The following COL23A1 variants were observed in gnomAD, a reference collection of about 807,000 sequenced individuals.
COL23A1 encodes collagen type XXIII alpha 1 chain, also known as collagen alpha-1(XXIII) chain.
A neutral mutation model predicts 99.3 loss-of-function variants in COL23A1; 97 were observed. That is an observed-to-expected ratio of 0.98 (90% confidence interval 0.83 to 1.16). COL23A1 has a LOEUF of 1.16. Among genes scored for constraint, COL23A1 ranks in the 50% most tolerant of loss-of-function variants. The probability of loss-of-function intolerance (pLI) is 0.00; values close to 1 mark genes in which losing one functional copy is unlikely to be tolerated. For missense variants in COL23A1, 762 were observed against 757.4 expected (o/e 1.01, Z -0.07); for synonymous variants, 320 against 308.2 (o/e 1.04, Z -0.40).
chr5:178,339,679 G>A (rs184211383), intron 2 of COL23A1, among the ~76,000 whole-genome samples: 3 of 152,350 alleles, frequency 2.0e-5, no homozygotes, highest in Non-Finnish European at 4.4e-5. Context: ...GTGGGGGGAC[G>A]TGAATCTGCC....
intron 2 of COL23A1, among the ~76,000 whole-genome samples, chr5:178,454,269 T>G (rs1022837940): frequency 6.7e-6 from 1 of 148,384 alleles, no homozygotes; most frequent in African/African-American, 2.5e-5. Flanking sequence ...AAAAAGCTCA[T>G]AGAGTACTTC....
At chr5:178,480,030 G>A (rs1310593813) in intron 2 of COL23A1, among the ~76,000 whole-genome samples, 2 of 151,304 alleles carry the variant, frequency 1.3e-5, no homozygotes, top group South Asian at 2.1e-4. Flanking sequence ...TGTGTGTATC[G>A]AAACACAGAA....
At chr5:178,253,376 C>G (rs1765134861) in intron 16 of COL23A1, among the ~76,000 whole-genome samples, 1 of 152,072 alleles carries the variant, frequency 6.6e-6, no homozygotes, top group Non-Finnish European at 1.5e-5. Context: ...GGCCCAGGCC[C>G]AGGACCTCCC....
intron 2 of COL23A1, among the ~76,000 whole-genome samples, chr5:178,523,195 TATATATAGAGAG>T (rs1318189455): frequency 0.031 from 2,432 of 78,802 alleles, 86 homozygotes; most frequent in African/African-American, 0.086. Flanking sequence ...TATATATATA[TATATATAGAGAG>T]AGAGAGAGAG....
chr5:178,541,649 CA>C (rs1761295318), intron 2 of COL23A1, among the ~76,000 whole-genome samples: 1 of 152,158 alleles, frequency 6.6e-6, no homozygotes, highest in Non-Finnish European at 1.5e-5. Context: ...AAGGTTTGTA[CA>C]CAACAGAAAT....
intron 2 of COL23A1, among the ~76,000 whole-genome samples, chr5:178,548,945 A>G (rs1761860833): frequency 6.6e-6 from 1 of 152,210 alleles, no homozygotes; most frequent in South Asian, 2.1e-4. Flanking sequence ...GCAGTGCTCC[A>G]TTGTAGAAAC....
chr5:178,539,302 T>A (rs1761150306), intron 2 of COL23A1, among the ~76,000 whole-genome samples: 1 of 151,918 alleles, frequency 6.6e-6, no homozygotes, highest in South Asian at 2.1e-4. Context: ...ATCCCAGCAA[T>A]TTGGGAAGCC....
At chr5:178,344,077 A>G (rs1334745992) in intron 2 of COL23A1, among the ~76,000 whole-genome samples, 2 of 152,224 alleles carry the variant, frequency 1.3e-5, no homozygotes, top group Non-Finnish European at 2.9e-5. Context: ...TTTAGAAAAG[A>G]AATGAACGTG....
chr5:178,401,210 T>C (rs1362807500), intron 2 of COL23A1, among the ~76,000 whole-genome samples: 2 of 152,336 alleles, frequency 1.3e-5, no homozygotes, highest in African/African-American at 2.4e-5. Context: ...GAGCAAATAC[T>C]CCATCGTATG....
At chr5:178,331,552 CGCGGCCCTCG>C (rs1760019827) in intron 2 of COL23A1, among the ~76,000 whole-genome samples, 1 of 152,208 alleles carries the variant, frequency 6.6e-6, no homozygotes. Flanking sequence ...CCAAGGAATC[CGCGGCCCTCG>C]GGGCAGGGTG....
At position 178,260,098 on chromosome 5, in the gene COL23A1, G is replaced by A. The variant is rs149012781; in HGVS notation, c.703-351C>T. Reference sequence around the variant, plus strand: ...TCTCCGTCAGCGAGGACCAGAGCCCGCCTCCCCACCCACACCCTCCCCAAA... The same window carrying A: ...TCTCCGTCAGCGAGGACCAGAGCCCACCTCCCCACCCACACCCTCCCCAAA... On this transcript the variant is annotated intron_variant, in intron 11 of 28. Coordinates refer to ENST00000390654, the MANE Select transcript of COL23A1 (RefSeq NM_173465.4). Among the ~76,000 whole-genome samples, 6 of 152,284 alleles carry A rather than the reference G, an allele frequency of 3.9e-5. No individual in the cohort carries two copies. In the East Asian group the frequency reaches 1.2e-3, roughly 29 times the overall value.
chr5:178,573,881 CAG>C (rs1219895198), intron 1 of COL23A1, among the ~76,000 whole-genome samples: 1 of 151,272 alleles, frequency 6.6e-6, no homozygotes, highest in East Asian at 1.9e-4. Flanking sequence ...TTTGTTGAGA[CAG>C]AGTCTCGCTC....
At chr5:178,250,147 C>A in intron 17 of COL23A1, 42 bp from the exon 18 acceptor site, 1 of 1,612,538 alleles carries the variant, frequency 6.2e-7, no homozygotes, top group Non-Finnish European at 8.5e-7. Context: ...GCCTTCCTTT[C>A]CTAAAGAGGT....
At chr5:178,268,698 A>T (rs759188084) in intron 7 of COL23A1, 32 bp downstream of exon 7, 37 of 1,590,620 alleles carry the variant, frequency 2.3e-5, no homozygotes, top group Middle Eastern at 1.7e-4. Context: ...TCGCCTGCCT[A>T]CCACATCTGC....
intron 5 of COL23A1, among the ~76,000 whole-genome samples, chr5:178,279,875 G>A (rs1409075863): frequency 6.6e-6 from 1 of 152,198 alleles, no homozygotes; most frequent in Admixed American, 6.5e-5. Context: ...TGGGTAACGG[G>A]AGCCCCGCCT....
chr5:178,467,374 A>G (rs1756476588), intron 2 of COL23A1, among the ~76,000 whole-genome samples: 1 of 151,936 alleles, frequency 6.6e-6, no homozygotes. Context: ...ACGCTCCCTG[A>G]CTCTGCTCTG....
intron 8 of COL23A1, among the ~76,000 whole-genome samples, chr5:178,266,453 C>T (rs1424448892): frequency 3.3e-5 from 5 of 151,820 alleles, no homozygotes; most frequent in Admixed American, 6.6e-5. Context: ...AGGGTATCCA[C>T]GAGGAGGGTT....
chr5:178,411,432 C>T (rs1001605521), intron 2 of COL23A1, among the ~76,000 whole-genome samples: 2 of 152,024 alleles, frequency 1.3e-5, no homozygotes, highest in Admixed American at 1.3e-4. Context: ...AACTGTGATA[C>T]ACACATGGAA....
At chr5:178,254,497 G>A (rs1476561223) in intron 16 of COL23A1, among the ~76,000 whole-genome samples, 1 of 152,170 alleles carries the variant, frequency 6.6e-6, no homozygotes, top group Non-Finnish European at 1.5e-5. Flanking sequence ...CTCTCCACTG[G>A]TGGTAAGTCC....
Sources: allele counts gnomAD v4.1 joint callset (sites outside exome capture counted in the v4.1 genomes callset), GRCh38; gene constraint gnomAD v4.1.1; transcripts MANE v1.5; gene names NCBI Gene and HGNC (gene_info 2026-07-23, HGNC 2026-07-21).